ARHGEF3: variants seen among roughly 807,000 people sequenced by gnomAD.
The protein encoded by ARHGEF3 is 59.8 kDA protein.
ARHGEF3 carries 28 observed loss-of-function variants against 63.2 expected under a neutral mutation model. The ratio of observed to expected loss-of-function variants is 0.44; its 90% CI spans 0.33 to 0.61. ARHGEF3 has a LOEUF of 0.61. Ranked by LOEUF, ARHGEF3 falls within the 20% of genes least tolerant of loss-of-function variation. The pLI is 0.03. For synonymous variants in ARHGEF3, 266 were observed against 254.2 expected (o/e 1.05, Z -0.44); for missense variants, 533 against 659.3 (o/e 0.81, Z 2.10).
intron 2 of ARHGEF3, among the ~76,000 whole-genome samples, chr3:56,966,103 T>C (rs1578971921): frequency 1.3e-5 from 2 of 152,372 alleles, no homozygotes; most frequent in South Asian, 2.1e-4. Flanking sequence ...CTATTGTTTA[T>C]AGTCATATAT....
chr3:56,855,678 CAAA>C (rs554805338), intron 4 of ARHGEF3, among the ~76,000 whole-genome samples: 2 of 117,760 alleles, frequency 1.7e-5, no homozygotes, highest in African/African-American at 3.1e-5. Context: ...GAGACTGTCT[CAAA>C]AAAAAAAAAA....
At position 57,073,460 on chromosome 3, in the gene ARHGEF3, A is replaced by G. The variant is rs1418215523; in HGVS notation, c.-28+5766T>C. On this transcript the variant is annotated intron_variant, in intron 1 of 12. Transcript: ENST00000338458. Reference sequence around the variant, plus strand: ...GCGTGAAAGAGCTTCCAAGTAGTGGAAACAGCAGAAGCAAAGATGTGAACA... The same window carrying G: ...GCGTGAAAGAGCTTCCAAGTAGTGGGAACAGCAGAAGCAAAGATGTGAACA... 1.3e-5 allele frequency: 7 copies of G among 546,154 alleles called. No individual in the cohort carries two copies. The East Asian group carries it at 2.3e-4, about 18-fold the overall frequency. The allele number at this position is 546,154 out of a possible 1,614,324, so 33.8% of individuals were successfully genotyped here. A position where few individuals can be genotyped will look rare whatever the true frequency, so the allele number is the denominator to read the frequency against.
intron 2 of ARHGEF3, among the ~76,000 whole-genome samples, chr3:56,982,550 C>A (rs761616888): frequency 6.6e-6 from 1 of 152,164 alleles, no homozygotes; most frequent in African/African-American, 2.4e-5. Context: ...GTGTTTAGCA[C>A]CATCAGACCT....
chr3:57,042,661 T>G (rs1704237948), intron 1 of ARHGEF3, among the ~76,000 whole-genome samples: 1 of 2,284 alleles, frequency 4.4e-4, no homozygotes, highest in Non-Finnish European at 8.5e-4. Context: ...AATATATATA[T>G]ATATATATAT....
Position 56,752,602 on chromosome 3 carries a change from G to A in ARHGEF3, c.438+902C>T, listed in dbSNP as rs114317074. The stretch of plus-strand genomic sequence containing the variant: ...TGAAACGAAAGAGAAAAGTTTCTAG[G>A]AAGGTAGGGCCACCATAAGCAAAAG... On this transcript the variant is annotated intron_variant, in intron 4 of 9. Transcript: ENST00000296315. Among the ~76,000 whole-genome samples the A allele has an allele frequency of 9.4e-3, 1,438 of 152,338 alleles. 15 individuals carry two copies. The highest frequency in any genetic ancestry group is 0.033 in the African/African-American group (1,366 of 41,576).
At chr3:56,832,205 T>G (rs1423013994) in intron 4 of ARHGEF3, among the ~76,000 whole-genome samples, 5 of 152,240 alleles carry the variant, frequency 3.3e-5, no homozygotes, top group Non-Finnish European at 7.3e-5. Flanking sequence ...GTATTTGCTG[T>G]GATTTATTTT....
intron 2 of ARHGEF3, among the ~76,000 whole-genome samples, chr3:56,996,899 T>A (rs545161357): frequency 1.7e-4 from 19 of 114,288 alleles, no homozygotes; most frequent in Admixed American, 4.0e-4. Context: ...TATTTTTTTT[T>A]TTTTTTGCAA....
chr3:56,793,223 G>A (rs2037178039), intron 1 of ARHGEF3, among the ~76,000 whole-genome samples: 2 of 149,836 alleles, frequency 1.3e-5, no homozygotes, highest in East Asian at 2.0e-4. Context: ...AGGCTGGAGT[G>A]CAGTGGCGCA....
At chr3:56,822,914 A>T (rs2038572283) in intron 4 of ARHGEF3, among the ~76,000 whole-genome samples, 1 of 151,286 alleles carries the variant, frequency 6.6e-6, no homozygotes, top group South Asian at 2.1e-4. Context: ...CCATGTGGTT[A>T]TGTTGTTTTT....
In ARHGEF3 at chr3:56,744,555, C is replaced by T. The variant is rs146700504; in HGVS notation, c.870+650G>A. ...CTGGGATTATAGGCATATGCCACCT[C>T]GCCCAGCTAATTTTTTTTTTTTGTA... On this transcript the variant is annotated intron_variant, in intron 7 of 9. Transcript: ENST00000296315. Among the ~76,000 whole-genome samples the T allele has an allele frequency of 9.0e-3, 1,369 of 152,068 alleles. 14 individuals carry two copies. The highest frequency in any genetic ancestry group is 0.031 in the African/African-American group (1,293 of 41,494).
intron 2 of ARHGEF3, among the ~76,000 whole-genome samples, chr3:57,018,518 T>C (rs1703117683): frequency 6.6e-6 from 1 of 152,180 alleles, no homozygotes; most frequent in Admixed American, 6.5e-5. Flanking sequence ...AGGTCACACA[T>C]CTGGCCAGTG....
At chr3:57,072,366 G>A (rs746087478) in intron 1 of ARHGEF3, among the ~76,000 whole-genome samples, 12 of 151,812 alleles carry the variant, frequency 7.9e-5, no homozygotes, top group Non-Finnish European at 1.6e-4. Flanking sequence ...AAATGTATAC[G>A]GTCAAAGAAA....
intron 7 of ARHGEF3, among the ~76,000 whole-genome samples, chr3:56,738,197 G>A (rs867519360): frequency 4.6e-5 from 7 of 152,050 alleles, no homozygotes; most frequent in Non-Finnish European, 1.0e-4. Context: ...GCACCACCAC[G>A]CCCAGCTAAT....
intron 1 of ARHGEF3, among the ~76,000 whole-genome samples, chr3:57,072,666 C>CG (rs1418278824): frequency 4.6e-4 from 66 of 143,488 alleles, no homozygotes; most frequent in Middle Eastern, 4.3e-3. Context: ...CACGTGAACC[C>CG]GGGGGGCAGA....
At chr3:56,958,982 T>C in intron 2 of ARHGEF3, 1 of 1,336,392 alleles carries the variant, frequency 7.5e-7, no homozygotes, top group East Asian at 2.5e-5. Flanking sequence ...AAAAGAGAGA[T>C]GCCTCAAGAA....
chr3:56,959,886 G>C (rs1429309076), intron 2 of ARHGEF3, among the ~76,000 whole-genome samples: 1 of 152,196 alleles, frequency 6.6e-6, no homozygotes, highest in Non-Finnish European at 1.5e-5. Flanking sequence ...GCTGAGGCAG[G>C]AGAATCGCTT....
chr3:56,876,633 G>T (rs773489956), intron 4 of ARHGEF3, among the ~76,000 whole-genome samples: 1 of 152,040 alleles, frequency 6.6e-6, no homozygotes, highest in Non-Finnish European at 1.5e-5. Flanking sequence ...AGTATTCCTT[G>T]CCAGGAGATT....
At chr3:56,771,450 T>C (rs1198036459) in intron 2 of ARHGEF3, among the ~76,000 whole-genome samples, 2 of 152,228 alleles carry the variant, frequency 1.3e-5, no homozygotes, top group Non-Finnish European at 2.9e-5. Flanking sequence ...GATTGTGCTC[T>C]TCCTAGGCCC....
intron 1 of ARHGEF3, among the ~76,000 whole-genome samples, chr3:57,070,971 C>CAAAAA (rs1231328722): frequency 1.2e-3 from 58 of 49,290 alleles, no homozygotes; most frequent in African/African-American, 3.4e-3. Context: ...GACTCTGTCA[C>CAAAAA]AAAAAAAAAA....
Sources: gnomAD v4.1 joint callset for allele counts (sites outside exome capture counted in the v4.1 genomes callset) on GRCh38, gnomAD v4.1.1 for gene constraint, MANE v1.5 for transcripts, NCBI Gene and HGNC (gene_info 2026-07-23, HGNC 2026-07-21) for gene names.